EOGT: variants seen among roughly 807,000 people sequenced by gnomAD.
EOGT encodes EGF domain-specific O-linked N-acetylglucosamine transferase.
A neutral mutation model predicts 70.5 loss-of-function variants in EOGT; 55 were observed. The ratio of observed to expected loss-of-function variants is 0.78; its 90% CI spans 0.63 to 0.98. The LOEUF (loss-of-function observed/expected upper bound fraction) is 0.98, where lower values mean the gene tolerates loss of function less well. EOGT is among the 50% of genes least tolerant of loss of function. EOGT has a pLI of 0.00. For missense variants in EOGT, 703 were observed against 641.9 expected, an observed-to-expected ratio of 1.10 and a Z score of -1.03; for synonymous variants, 246 against 217.1, an observed-to-expected ratio of 1.13 and a Z score of -1.17.
Position 68,977,524 on chromosome 3 carries a change from G to T in EOGT, c.*94C>A. 7 of 1,331,058 alleles carry T rather than the reference G, an allele frequency of 5.3e-6. No homozygotes were observed. In the South Asian group the frequency reaches 8.9e-5, roughly 17 times the overall value. The allele number at this position is 1,331,058 out of a possible 1,614,324, so 82.5% of individuals were successfully genotyped here. ...TTTTGGCATAGAAAAGGTAATTCGG[G>T]GATAGGAAATAACAGATTGCTTTAC... On this transcript the variant is annotated 3_prime_UTR_variant, in exon 18 of 18. Coordinates refer to ENST00000383701, the MANE Select transcript of EOGT (RefSeq NM_001278689.2).
intron 14 of EOGT, among the ~76,000 whole-genome samples, chr3:68,986,392 A>G (rs1171700796): frequency 6.6e-6 from 1 of 152,018 alleles, no homozygotes; most frequent in African/African-American, 2.4e-5. Flanking sequence ...AAAACTTCAC[A>G]ATGGCTTTCC....
chr3:68,977,651 C>T lies in EOGT; in HGVS notation c.1551G>A (p.Lys517=), dbSNP rs1485597443. Residue 517 remains lysine (K), a synonymous_variant, in exon 18 of 18, where the codon AAG becomes AAA. Transcript: ENST00000383701. ...CATCATGTTTCTTCTTAAATGGCCA[C>T]TTTGGGTGTTGCAATACGTGGTCTG... ...QAADHVLQHP[K]WPFKKKHDEL 1.9e-6 allele frequency: 3 copies of T among 1,613,644 alleles called. No individual in the cohort carries two copies. The highest frequency in any genetic ancestry group is 2.7e-5 in the African/African-American group (2 of 74,880).
At chr3:69,008,754 C>T (rs893702444) in intron 4 of EOGT, among the ~76,000 whole-genome samples, 9 of 152,192 alleles carry the variant, frequency 5.9e-5, no homozygotes, top group African/African-American at 1.9e-4. Context: ...GTCCCCTAAC[C>T]GAAAGTCTGG....
At chr3:68,985,168 C>T (rs1397109482) in intron 14 of EOGT, among the ~76,000 whole-genome samples, 1 of 152,224 alleles carries the variant, frequency 6.6e-6, no homozygotes, top group East Asian at 1.9e-4. Flanking sequence ...CCAATATATA[C>T]TGTTGATCTG....
chr3:69,007,066 G>A (rs1320768780), intron 6 of EOGT, among the ~76,000 whole-genome samples: 2 of 152,188 alleles, frequency 1.3e-5, no homozygotes, highest in African/African-American at 4.8e-5. Context: ...AACTATCTGA[G>A]AATGAATTTG....
rs1196471910 is a variant in EOGT, at chr3:68,980,193, G to A, written c.1215-406C>T. ...GCCTGCTCTTTCTTCATGAAAAAGAGAAATTGGCAAGTGTTAAAGAGATGT... is the reference window on the plus strand; with the variant it reads ...GCCTGCTCTTTCTTCATGAAAAAGAAAAATTGGCAAGTGTTAAAGAGATGT... On this transcript the variant is annotated intron_variant, in intron 15 of 17. Transcript: ENST00000383701. 2.6e-5 allele frequency among the ~76,000 whole-genome samples: 4 copies of A among 152,172 alleles called. No homozygotes were observed. The East Asian group carries it at 7.7e-4, about 29-fold the overall frequency.
chr3:69,001,757 A>G (rs1420485363), intron 8 of EOGT, 43 bp from the exon 9 acceptor site: 5 of 1,349,148 alleles, frequency 3.7e-6, no homozygotes, highest in Non-Finnish European at 5.3e-6. Flanking sequence ...TGATTCTCCC[A>G]AACTTCCTAT....
intron 11 of EOGT, 29 bp from the exon 12 acceptor site, chr3:68,988,606 T>C (rs998286165): frequency 7.1e-7 from 1 of 1,409,142 alleles, no homozygotes; most frequent in African/African-American, 1.4e-5. Flanking sequence ...TAAAAGAAGA[T>C]GTAATTTGCA....
chr3:68,997,311 A>T (rs1472542648), intron 10 of EOGT, among the ~76,000 whole-genome samples: 1 of 152,222 alleles, frequency 6.6e-6, no homozygotes, highest in Non-Finnish European at 1.5e-5. Flanking sequence ...GCAAAAGGCC[A>T]AACAGTAAAC....
Position 69,009,618 on chromosome 3 carries a change from G to C in EOGT, c.210+19C>G. 1 of 1,586,782 alleles carries C rather than the reference G, an allele frequency of 6.3e-7. No individual in the cohort carries two copies. Among genetic ancestry groups the C allele is most frequent in the East Asian group, 2.2e-5 (1 of 44,678 alleles). ...AATTGCATCCTCATAAAAATAAGGA[G>C]AAAAGAAATAATACCTACCTTATAT... On this transcript the variant is annotated intron_variant, in intron 4 of 17. Coordinates refer to ENST00000383701, the MANE Select transcript of EOGT (RefSeq NM_001278689.2).
chr3:69,002,714 G>A (rs1304003938), intron 8 of EOGT, among the ~76,000 whole-genome samples: 1 of 151,860 alleles, frequency 6.6e-6, no homozygotes, highest in African/African-American at 2.4e-5. Flanking sequence ...GAGTGCAGTG[G>A]TGCAATCATA....
In EOGT at chr3:69,009,933, C is replaced by CA. The variant is rs60324569; in HGVS notation, c.-14-74dup. 442 of 256,602 alleles carry CA rather than the reference C, an allele frequency of 1.7e-3. 1 individual carries two copies. The highest frequency in any genetic ancestry group is 6.6e-3 in the Middle Eastern group (5 of 752). The allele number at this position is 256,602 out of a possible 1,614,324, so 15.9% of individuals were successfully genotyped here. Reference sequence around the variant, plus strand: ...GCCAAAACAACAACAACAACAACAACAAAAAAAAAAAAAAAACAAAGGGTC... The same window carrying CA: ...GCCAAAACAACAACAACAACAACAACAAAAAAAAAAAAAAAAACAAAGGGTC... On this transcript the variant is annotated intron_variant, in intron 3 of 17. Transcript: ENST00000383701.
chr3:68,999,956 T>C (rs1036265200), intron 9 of EOGT, among the ~76,000 whole-genome samples: 1 of 152,196 alleles, frequency 6.6e-6, no homozygotes, highest in Non-Finnish European at 1.5e-5. Context: ...GCACAGTTAC[T>C]CACACCTGTA....
In EOGT at chr3:68,988,350, C is replaced by T. The variant is rs761174000; in HGVS notation, c.1028G>A (p.Arg343Lys). 1.1e-4 allele frequency: 174 copies of T among 1,535,830 alleles called. No homozygotes were observed. The highest frequency in any genetic ancestry group is 1.7e-4 in the Middle Eastern group (1 of 6,008). Residue 343 changes from arginine (R) to lysine (K), a missense_variant, in exon 13 of 18, where the codon AGG becomes AAG. Physicochemically the swap from Arg to Lys is conservative, Grantham distance 26. Coordinates refer to ENST00000383701, the MANE Select transcript of EOGT (RefSeq NM_001278689.2). ...GTGTAGTACATGCTGGGCAAATGCC[C>T]TGAATAGTCCAGTATTTTGACAGCC... ...ISGCQNTGLF[R>K]AFAQHVLHRL... is the part of the protein sequence containing the mutation.
At chr3:69,013,159 G>A (rs572540347) in intron 1 of EOGT, among the ~76,000 whole-genome samples, 3 of 152,070 alleles carry the variant, frequency 2.0e-5, no homozygotes, top group Non-Finnish European at 4.4e-5. Context: ...GCCGCGCTGG[G>A]GTTCCGGACC....
intron 9 of EOGT, among the ~76,000 whole-genome samples, chr3:68,998,770 G>A (rs2107314998): frequency 6.6e-6 from 1 of 150,774 alleles, no homozygotes; most frequent in African/African-American, 2.4e-5. Context: ...CTGGGAGGTG[G>A]AGGCTGCAGT....
chr3:69,004,494 C>G lies in EOGT; in HGVS notation c.516-12G>C. 2.5e-6 allele frequency: 4 copies of G among 1,588,026 alleles called. No individual in the cohort carries two copies. The highest frequency in any genetic ancestry group is 3.5e-6 in the Non-Finnish European group (4 of 1,156,714). On this transcript the variant is annotated splice_polypyrimidine_tract_variant and intron_variant, in intron 7 of 17. Transcript: ENST00000383701. ...AGTCCTCCTTAAATCTGGTATATAACAAAACATTAAGTTAAGTTCAGAAAA... is the reference window on the plus strand; with the variant it reads ...AGTCCTCCTTAAATCTGGTATATAAGAAAACATTAAGTTAAGTTCAGAAAA...
At chr3:68,996,722 C>T (rs1375224677) in intron 10 of EOGT, among the ~76,000 whole-genome samples, 1 of 152,188 alleles carries the variant, frequency 6.6e-6, no homozygotes, top group African/African-American at 2.4e-5. Context: ...CCTGAGGCTG[C>T]CCTGCCAGCA....
At chr3:68,993,165 ATTCTCCCCAGAAAGTTGGTTT>A (rs575387982) in intron 10 of EOGT, among the ~76,000 whole-genome samples, 1 of 152,258 alleles carries the variant, frequency 6.6e-6, no homozygotes, top group South Asian at 2.1e-4. Context: ...CTGACTTGAA[ATTCTCCCCAGAAAGTTGGTTT>A]TTATTTTCTA....
Sources: gnomAD v4.1 joint callset for allele counts (sites outside exome capture counted in the v4.1 genomes callset) on GRCh38, gnomAD v4.1.1 for gene constraint, MANE v1.5 for transcripts, NCBI Gene and HGNC (gene_info 2026-07-23, HGNC 2026-07-21) for gene names.